PLCL1: variants seen among roughly 807,000 people sequenced by gnomAD.
PLCL1 encodes the protein inactive phospholipase C-like protein 1.
PLCL1 carries 41 observed loss-of-function variants against 84.4 expected under a neutral mutation model. The observed-to-expected ratio is 0.49, with a 90% CI of 0.38 to 0.63. The LOEUF is 0.63. Ranked by LOEUF, PLCL1 falls within the 30% of genes least tolerant of loss-of-function variation. The probability of loss-of-function intolerance (pLI) is 0.00; values close to 1 mark genes in which losing one functional copy is unlikely to be tolerated. For missense variants in PLCL1, 1,206 were observed against 1,367.8 expected, an observed-to-expected ratio of 0.88 and a Z score of 1.87; for synonymous variants, 490 against 488.3, an observed-to-expected ratio of 1.00 and a Z score of -0.05.
chr2:197,857,385 C>G (rs1311320660), intron 1 of PLCL1, among the ~76,000 whole-genome samples: 2 of 152,066 alleles, frequency 1.3e-5, no homozygotes, highest in Non-Finnish European at 2.9e-5. Flanking sequence ...ATTTTTCTCC[C>G]AAGGTTAAAC....
chr2:197,983,486 G>A (rs1690160486), intron 1 of PLCL1, among the ~76,000 whole-genome samples: 1 of 151,872 alleles, frequency 6.6e-6, no homozygotes, highest in South Asian at 2.1e-4. Flanking sequence ...TCTCGCCTTG[G>A]CCTCCCAAAG....
At chr2:197,884,942 T>C (rs1294721274) in intron 1 of PLCL1, among the ~76,000 whole-genome samples, 1 of 152,116 alleles carries the variant, frequency 6.6e-6, no homozygotes, top group Non-Finnish European at 1.5e-5. Context: ...CAGCTTCCCA[T>C]TGCAATAAAA....
chr2:198,008,643 G>C (rs1039966669), intron 1 of PLCL1, among the ~76,000 whole-genome samples: 1 of 151,536 alleles, frequency 6.6e-6, no homozygotes, highest in African/African-American at 2.4e-5. Flanking sequence ...CTTGGCTATT[G>C]AGAATAATGC....
chr2:197,966,473 A>G (rs1401385704), intron 1 of PLCL1, among the ~76,000 whole-genome samples: 1 of 152,058 alleles, frequency 6.6e-6, no homozygotes, highest in Non-Finnish European at 1.5e-5. Context: ...GCTGGCCTGA[A>G]TTCACCCTCC....
intron 1 of PLCL1, among the ~76,000 whole-genome samples, chr2:198,013,409 G>A (rs746587770): frequency 1.5e-4 from 23 of 152,002 alleles, no homozygotes; most frequent in Admixed American, 3.3e-4. Flanking sequence ...TAGGACTATC[G>A]CTTTTCCCTT....
At chr2:198,060,764 A>G (rs936267535) in intron 1 of PLCL1, among the ~76,000 whole-genome samples, 1 of 152,200 alleles carries the variant, frequency 6.6e-6, no homozygotes, top group South Asian at 2.1e-4. Context: ...CTGTTTGTTT[A>G]AAGAAATAAT....
chr2:197,995,648 G>A (rs1690442453), intron 1 of PLCL1, among the ~76,000 whole-genome samples: 1 of 152,138 alleles, frequency 6.6e-6, no homozygotes, highest in Admixed American at 6.5e-5. Flanking sequence ...TGGCATTTGA[G>A]CAGTCAACAA....
At chr2:198,059,140 G>A (rs1158667329) in intron 1 of PLCL1, among the ~76,000 whole-genome samples, 1 of 152,062 alleles carries the variant, frequency 6.6e-6, no homozygotes, top group African/African-American at 2.4e-5. Context: ...CTACTCTCCT[G>A]TATTCTTGTG....
rs113544745 is a variant in PLCL1 at position 198,047,398 on chromosome 2, G to A, written c.241-36360G>A. On this transcript the variant is annotated intron_variant, in intron 1 of 5. Coordinates refer to ENST00000428675, the MANE Select transcript of PLCL1 (RefSeq NM_006226.4). ...GGGGTTTCATCACGTTGGCTGGGAT[G>A]ATCTCAATCTCTTGATCTTGTGACC... 6.6e-3 allele frequency among the ~76,000 whole-genome samples: 1,006 copies of A among 152,196 alleles called. 16 individuals are homozygous for A. The highest frequency in any genetic ancestry group is 0.023 in the African/African-American group (951 of 41,500).
At chr2:197,898,584 A>C (rs1490915805) in intron 1 of PLCL1, among the ~76,000 whole-genome samples, 1 of 151,698 alleles carries the variant, frequency 6.6e-6, no homozygotes, top group Non-Finnish European at 1.5e-5. Flanking sequence ...TGCCCAAGAG[A>C]ACCCTCATGT....
chr2:197,924,450 G>A (rs1330920229), intron 1 of PLCL1, among the ~76,000 whole-genome samples: 1 of 151,968 alleles, frequency 6.6e-6, no homozygotes, highest in Admixed American at 6.6e-5. Flanking sequence ...TTTGAGTTGT[G>A]GTAAATCTTA....
chr2:198,065,915 T>A (rs944094490), intron 1 of PLCL1, among the ~76,000 whole-genome samples: 3 of 152,206 alleles, frequency 2.0e-5, no homozygotes, highest in African/African-American at 7.2e-5. Flanking sequence ...AAAAGTGTTA[T>A]GAACAATTTT....
At chr2:197,916,447 A>G (rs1365483789) in intron 1 of PLCL1, among the ~76,000 whole-genome samples, 2 of 152,154 alleles carry the variant, frequency 1.3e-5, no homozygotes, top group African/African-American at 2.4e-5. Flanking sequence ...TCTCATTTAT[A>G]AAACAGAGAT....
intron 1 of PLCL1, among the ~76,000 whole-genome samples, chr2:198,064,797 A>T (rs1024138135): frequency 2.6e-5 from 4 of 152,222 alleles, no homozygotes; most frequent in African/African-American, 9.7e-5. Flanking sequence ...AACTAATTTA[A>T]AGCAAAGACT....
intron 1 of PLCL1, among the ~76,000 whole-genome samples, chr2:198,015,116 A>G (rs1690966861): frequency 6.6e-6 from 1 of 152,158 alleles, no homozygotes; most frequent in South Asian, 2.1e-4. Flanking sequence ...CACTAGAAAC[A>G]GGCTATTTTC....
chr2:197,962,779 A>G (rs1399744452), intron 1 of PLCL1, among the ~76,000 whole-genome samples: 1 of 151,864 alleles, frequency 6.6e-6, no homozygotes, highest in Non-Finnish European at 1.5e-5. Flanking sequence ...TCTTTCTACT[A>G]TCTCCATGGG....
chr2:197,857,979 A>G (rs1306958985), intron 1 of PLCL1, among the ~76,000 whole-genome samples: 1 of 152,140 alleles, frequency 6.6e-6, no homozygotes, highest in East Asian at 1.9e-4. Context: ...AGAGAAATGG[A>G]CAGGAAACCA....
intron 1 of PLCL1, among the ~76,000 whole-genome samples, chr2:197,879,264 G>C (rs1374599186): frequency 6.6e-6 from 1 of 152,118 alleles, no homozygotes; most frequent in Non-Finnish European, 1.5e-5. Flanking sequence ...ATAGATATCT[G>C]ACCATCAAAT....
At chr2:198,067,158 T>C (rs950317634) in intron 1 of PLCL1, among the ~76,000 whole-genome samples, 7 of 150,654 alleles carry the variant, frequency 4.6e-5, no homozygotes, top group Non-Finnish European at 1.0e-4. Context: ...GACGGAGTTT[T>C]GCTCTTGTCA....
Sources: gnomAD v4.1 joint callset for allele counts (sites outside exome capture counted in the v4.1 genomes callset) on GRCh38, gnomAD v4.1.1 for gene constraint, MANE v1.5 for transcripts, NCBI Gene and HGNC (gene_info 2026-07-23, HGNC 2026-07-21) for gene names.